BAIAP2L1: variants seen among roughly 807,000 people sequenced by gnomAD.
BAIAP2L1 encodes the protein BAR/IMD domain-containing adapter protein 2-like 1.
BAIAP2L1 carries 35 observed loss-of-function variants against 66.3 expected under a neutral mutation model. The observed-to-expected ratio is 0.53, with a 90% CI of 0.40 to 0.70. BAIAP2L1 has a LOEUF of 0.70. BAIAP2L1 is among the 30% of genes least tolerant of loss of function. BAIAP2L1 has a pLI of 0.00. For missense variants in BAIAP2L1, 622 were observed against 656.9 expected (o/e 0.95, Z 0.58); for synonymous variants, 269 against 248.7 (o/e 1.08, Z -0.77).
chr7:98,331,954 G>A (rs575237963), intron 3 of BAIAP2L1, among the ~76,000 whole-genome samples: 4 of 152,272 alleles, frequency 2.6e-5, no homozygotes, highest in South Asian at 2.1e-4. Flanking sequence ...CAAAAGTGAA[G>A]AAGAGATAAA....
At chr7:98,396,845 G>C (rs1803220979) in intron 1 of BAIAP2L1, among the ~76,000 whole-genome samples, 1 of 152,182 alleles carries the variant, frequency 6.6e-6, no homozygotes, top group South Asian at 2.1e-4. Context: ...CTGGATGGCT[G>C]ATGTTTACTT....
At chr7:98,331,966 A>C (rs975420456) in intron 3 of BAIAP2L1, among the ~76,000 whole-genome samples, 1 of 152,184 alleles carries the variant, frequency 6.6e-6, no homozygotes, top group African/African-American at 2.4e-5. Context: ...AGAGATAAAG[A>C]CATTCTCAGA....
chr7:98,398,083 A>C (rs1803259084), intron 1 of BAIAP2L1, among the ~76,000 whole-genome samples: 1 of 152,196 alleles, frequency 6.6e-6, no homozygotes, highest in Admixed American at 6.6e-5. Context: ...GAGTATTTAA[A>C]AACAAAAAAC....
At chr7:98,378,930 A>G (rs1802694171) in intron 1 of BAIAP2L1, among the ~76,000 whole-genome samples, 1 of 152,134 alleles carries the variant, frequency 6.6e-6, no homozygotes, top group Non-Finnish European at 1.5e-5. Context: ...TCCCGGTTCA[A>G]GCAATTCTGC....
Position 98,307,785 on chromosome 7 carries a change from T to A in BAIAP2L1, c.1067A>T (p.Lys356Met), listed in dbSNP as rs745532455. 5 of 1,614,260 alleles carry A rather than the reference T, an allele frequency of 3.1e-6. No individual in the cohort carries two copies. Among genetic ancestry groups the A allele is most frequent in the Non-Finnish European group, 4.2e-6 (5 of 1,180,042 alleles). ...TCCCTGTGCAAAGCTGAGTAAGGTCTTGTTGGAGCCCGCAGTGTGCGGGAA... is the reference window on the plus strand; with the variant it reads ...TCCCTGTGCAAAGCTGAGTAAGGTCATGTTGGAGCCCGCAGTGTGCGGGAA... ...TIFPHTAGSN[K>M]TLLSFAQGDV... The change falls in exon 10 of 14, where the codon AAG (lysine) becomes ATG (methionine). Residue 356 changes from lysine (K) to methionine (M), a missense_variant. Transcript: ENST00000005260.
Position 98,293,968 on chromosome 7 carries a change from T to C in BAIAP2L1, c.1460+106A>G, listed in dbSNP as rs1800076256. 7.5e-6 allele frequency: 10 copies of C among 1,339,250 alleles called. No homozygotes were observed. The South Asian group carries it at 1.2e-4, about 16-fold the overall frequency. The allele number at this position is 1,339,250 out of a possible 1,614,324, so 83.0% of individuals were successfully genotyped here. A position where few individuals can be genotyped will look rare whatever the true frequency, so the allele number is the denominator to read the frequency against. ...CCCCATGGCTCCACAGGCCGAGGCC[T>C]TTCTCAGGCTGGACCCCCTGGGCTG... is the stretch of plus-strand genomic sequence containing the variant. On this transcript the variant is annotated intron_variant, in intron 13 of 13. Transcript: ENST00000005260.
At chr7:98,359,380 C>T (rs1232214253) in intron 2 of BAIAP2L1, among the ~76,000 whole-genome samples, 1 of 150,978 alleles carries the variant, frequency 6.6e-6, no homozygotes, top group African/African-American at 2.4e-5. Context: ...TCAAGTGATT[C>T]TCCTGCCTCA....
chr7:98,304,777 G>A (rs1172378498), intron 11 of BAIAP2L1, among the ~76,000 whole-genome samples: 1 of 151,730 alleles, frequency 6.6e-6, no homozygotes, highest in Admixed American at 6.6e-5. Context: ...TTGAACTCCT[G>A]ACCTCAGCTG....
intron 5 of BAIAP2L1, among the ~76,000 whole-genome samples, chr7:98,318,132 C>T (rs994930228): frequency 3.9e-5 from 6 of 152,176 alleles, no homozygotes; most frequent in Non-Finnish European, 8.8e-5. Context: ...GTTCACATTG[C>T]CCCCTTCATG....
At chr7:98,343,246 AAT>A (rs1410817359) in intron 3 of BAIAP2L1, among the ~76,000 whole-genome samples, 4 of 85,574 alleles carry the variant, frequency 4.7e-5, no homozygotes, top group Non-Finnish European at 7.0e-5. Flanking sequence ...GGAAAAAAAA[AAT>A]ACACACACAC....
chr7:98,343,732 G>A (rs1801803616), intron 3 of BAIAP2L1, among the ~76,000 whole-genome samples: 1 of 152,200 alleles, frequency 6.6e-6, no homozygotes, highest in African/African-American at 2.4e-5. Flanking sequence ...GCAAGCAACT[G>A]TATGACACAA....
chr7:98,392,300 G>A (rs574151246), intron 1 of BAIAP2L1, among the ~76,000 whole-genome samples: 3 of 151,920 alleles, frequency 2.0e-5, no homozygotes, highest in Admixed American at 6.6e-5. Flanking sequence ...AGCTGAGATC[G>A]CGCCATTTCA....
chr7:98,375,823 C>G (rs1802614567), intron 1 of BAIAP2L1, among the ~76,000 whole-genome samples: 2 of 151,182 alleles, frequency 1.3e-5, no homozygotes, highest in Admixed American at 1.3e-4. Flanking sequence ...TGAAAAAGCA[C>G]TAAAGCACTA....
intron 2 of BAIAP2L1, among the ~76,000 whole-genome samples, chr7:98,358,656 A>G (rs1470831467): frequency 1.3e-5 from 2 of 152,056 alleles, no homozygotes; most frequent in African/African-American, 4.8e-5. Flanking sequence ...CATACCTAGC[A>G]TAGTTCTATT....
rs111435353 is a variant in BAIAP2L1, at chr7:98,390,437, A to G, written c.51+10365T>C. ...AAAAGTAAGCAATTTACATTAAAAAATATAAATATGGCCGGGTGCAGTGGC... is the reference window on the plus strand; with the variant it reads ...AAAAGTAAGCAATTTACATTAAAAAGTATAAATATGGCCGGGTGCAGTGGC... On this transcript the variant is annotated intron_variant, in intron 1 of 13. Coordinates refer to ENST00000005260, the MANE Select transcript of BAIAP2L1 (RefSeq NM_018842.5). Among the ~76,000 whole-genome samples the G allele has an allele frequency of 4.7e-3, 708 of 152,162 alleles. 11 individuals are homozygous for G. Among genetic ancestry groups the G allele is most frequent in the African/African-American group, 0.016 (669 of 41,526 alleles).
At position 98,292,284 on chromosome 7, in the gene BAIAP2L1, A is replaced by C. The variant is rs552964815; in HGVS notation, c.*1237T>G. ...AGCGGCCGGGCTGGAGTGCAGCAGC[A>C]TGATCTGGCTCACTGCAACCTCTGC... On this transcript the variant is annotated 3_prime_UTR_variant, in exon 14 of 14. Coordinates refer to ENST00000005260, the MANE Select transcript of BAIAP2L1 (RefSeq NM_018842.5). 8.9e-5 allele frequency: 27 copies of C among 304,412 alleles called. No individual in the cohort carries two copies. The highest frequency in any genetic ancestry group is 5.4e-4 in the African/African-American group (25 of 45,930). The allele number at this position is 304,412 out of a possible 1,614,324, so 18.9% of individuals were successfully genotyped here.
At chr7:98,400,588 A>C (rs890737946) in intron 1 of BAIAP2L1, among the ~76,000 whole-genome samples, 1 of 34,668 alleles carries the variant, frequency 2.9e-5, no homozygotes, top group Non-Finnish European at 5.5e-5. Flanking sequence ...AGTAGGGGGG[A>C]GGGGATGGGG....
At chr7:98,340,268 A>C (rs1487437211) in intron 3 of BAIAP2L1, among the ~76,000 whole-genome samples, 4 of 152,116 alleles carry the variant, frequency 2.6e-5, no homozygotes, top group Non-Finnish European at 5.9e-5. Flanking sequence ...TCAATGATTC[A>C]GCTTCTACAT....
intron 3 of BAIAP2L1, among the ~76,000 whole-genome samples, chr7:98,342,300 C>T (rs950818284): frequency 7.9e-5 from 12 of 152,102 alleles, no homozygotes; most frequent in Admixed American, 4.6e-4. Flanking sequence ...CCACCCACCT[C>T]GGCCTCCCAA....
Sources: allele counts gnomAD v4.1 joint callset (sites outside exome capture counted in the v4.1 genomes callset), GRCh38; gene constraint gnomAD v4.1.1; transcripts MANE v1.5; gene names NCBI Gene and HGNC (gene_info 2026-07-23, HGNC 2026-07-21).